The following MRNIP variants were observed in gnomAD, a reference collection of about 807,000 sequenced individuals.
MRNIP encodes the protein MRN complex interacting protein, also known as MRN complex-interacting protein.
In MRNIP, 30 loss-of-function variants were observed where a neutral mutation model predicts 29.8. The ratio of observed to expected loss-of-function variants is 1.01; its 90% CI spans 0.75 to 1.36. The LOEUF (loss-of-function observed/expected upper bound fraction) is 1.36. Among genes scored for constraint, MRNIP ranks in the 40% most tolerant of loss-of-function variants. MRNIP has a pLI of 0.00. For missense variants in MRNIP, 459 were observed against 423.5 expected, an observed-to-expected ratio of 1.08 and a Z score of -0.74; for synonymous variants, 201 against 164.1, an observed-to-expected ratio of 1.23 and a Z score of -1.72.
intron 2 of MRNIP, among the ~76,000 whole-genome samples, chr5:179,851,749 T>G (rs988126535): frequency 1.3e-5 from 2 of 152,034 alleles, no homozygotes; most frequent in Middle Eastern, 3.4e-3. Context: ...GAGGCCAAGG[T>G]GGGCAGATCA....
At position 179,837,703 on chromosome 5, in the gene MRNIP, T is replaced by G; in HGVS notation, c.720A>C (p.Ser240=). 6.2e-7 allele frequency: 1 copy of G among 1,614,264 alleles called. No homozygotes were observed. The highest frequency in any genetic ancestry group is 8.5e-7 in the Non-Finnish European group (1 of 1,180,046). Residue 240 remains serine, a synonymous_variant, in exon 7 of 7, where the codon TCA becomes TCC. Transcript: ENST00000292586. ...ACCTTGGCTGCTCACTGTCCACATG[T>G]GAACTTTTTCTAGGTGGCAGGACAA... ...AQFVLPPRKS[S]HVDSEQPRSL... is the part of the protein sequence containing the mutation.
chr5:179,843,063 G>GGA (rs1554093130), intron 4 of MRNIP, among the ~76,000 whole-genome samples: 260 of 103,430 alleles, frequency 2.5e-3, no homozygotes, highest in African/African-American at 4.8e-3. Flanking sequence ...GGAAGGAAGG[G>GGA]AGGGAGGGAG....
chr5:179,837,692 C>G lies in MRNIP; in HGVS notation c.731G>C (p.Ser244Thr). 3 of 1,614,270 alleles carry G rather than the reference C, an allele frequency of 1.9e-6. No individual in the cohort carries two copies. Among genetic ancestry groups the G allele is most frequent in the Non-Finnish European group, 2.5e-6 (3 of 1,180,052 alleles). The change falls in exon 7 of 7, where the codon AGT becomes ACT. Residue 244 changes from serine to threonine, a missense_variant. Ser to Thr is a moderately conservative substitution (Grantham distance 58, BLOSUM62 1). Coordinates refer to ENST00000292586, the MANE Select transcript of MRNIP (RefSeq NM_016175.4). Reference sequence around the variant, plus strand: ...CCTCTGAAGAGACCTTGGCTGCTCACTGTCCACATGTGAACTTTTTCTAGG... The same window carrying G: ...CCTCTGAAGAGACCTTGGCTGCTCAGTGTCCACATGTGAACTTTTTCTAGG... ...LPPRKSSHVD[S>T]EQPRSLQRDP...
intron 2 of MRNIP, chr5:179,851,228 G>T (rs1341988620): frequency 2.2e-6 from 1 of 455,662 alleles, no homozygotes; most frequent in Non-Finnish European, 4.4e-6. Flanking sequence ...CTCACCATGT[G>T]GGGTGTCTGC....
intron 2 of MRNIP, chr5:179,851,473 T>C (rs1014191952): frequency 4.4e-6 from 2 of 451,106 alleles, no homozygotes; most frequent in Non-Finnish European, 9.0e-6. Context: ...AGTAAAGATA[T>C]AGGGAGAAGC....
At chr5:179,851,693 T>A (rs1321674871) in intron 2 of MRNIP, among the ~76,000 whole-genome samples, 1 of 152,036 alleles carries the variant, frequency 6.6e-6, no homozygotes, top group African/African-American at 2.4e-5. Flanking sequence ...TTAAAAAAAA[T>A]ATCAGCCAGG....
intron 1 of MRNIP, among the ~76,000 whole-genome samples, chr5:179,854,456 G>T (rs1350836764): frequency 9.2e-5 from 14 of 152,192 alleles, no homozygotes; most frequent in African/African-American, 3.4e-4. Flanking sequence ...ACAAGTCCGG[G>T]TTGGTGCTGG....
rs753168832 is a variant in MRNIP at position 179,844,149 on chromosome 5, T to G, written c.291+3A>C. ...GCCTGGGGCAGGTGGGCCTGAGGCT[T>G]ACCTGCTGCTTCACATTCCCAGCCT... On this transcript the variant is annotated splice_donor_region_variant and intron_variant, in intron 4 of 6. Transcript: ENST00000292586. 4.3e-6 allele frequency: 7 copies of G among 1,613,702 alleles called. No individual in the cohort carries two copies. Among genetic ancestry groups the G allele is most frequent in the Non-Finnish European group, 5.9e-6 (7 of 1,179,734 alleles).
rs777264079 is a variant in MRNIP, at chr5:179,848,050, G to C, written c.143C>G (p.Ser48Cys). ...QSFLQAYGEG[S>C]GADCRRHVQK... The stretch of plus-strand genomic sequence containing the variant: ...GACATGGCGTCTACAATCAGCACCA[G>C]AGCCTTCACCATAAGCCTGAGAAAC... Residue 48 changes from serine to cysteine, a missense_variant, in exon 3 of 7, where the codon TCT (serine) becomes TGT (cysteine). Coordinates refer to ENST00000292586, the MANE Select transcript of MRNIP (RefSeq NM_016175.4). 2.5e-6 allele frequency: 4 copies of C among 1,613,990 alleles called. No individual in the cohort carries two copies.
chr5:179,858,629 C>T (rs757447643), intron 1 of MRNIP, 102 bp downstream of exon 1: 1 of 732,030 alleles, frequency 1.4e-6, no homozygotes, highest in Non-Finnish European at 2.2e-6. Flanking sequence ...CCTTCGGGCC[C>T]GGTGCATCCC....
Position 179,858,756 on chromosome 5 carries a change from C to A in MRNIP, c.41G>T (p.Ser14Ile), listed in dbSNP as rs773077321. ...LQRSRVLRCC[S>I]CRLFQAHQVK... ...CTGGTGCGCCTGGAAGAGGCGGCAG[C>A]TGCAGCAGCGTAGCACCCGAGAACG... Residue 14 changes from serine (S) to isoleucine (I), a missense_variant, in exon 1 of 7, where the codon AGC (serine) becomes ATC (isoleucine). By Grantham distance (142) the Ser-to-Ile change is moderately radical. Transcript: ENST00000292586. 7.8e-6 allele frequency: 12 copies of A among 1,535,598 alleles called. No homozygotes were observed. In the South Asian group the frequency reaches 1.5e-4, roughly 19 times the overall value.
At chr5:179,845,207 C>CTT (rs575096592) in intron 3 of MRNIP, among the ~76,000 whole-genome samples, 1 of 136,496 alleles carries the variant, frequency 7.3e-6, no homozygotes, top group Admixed American at 7.0e-5. Flanking sequence ...TTAATTTCTT[C>CTT]TTTTTTTTTT....
intron 2 of MRNIP, among the ~76,000 whole-genome samples, chr5:179,849,547 A>C (rs928775501): frequency 1.4e-5 from 2 of 141,664 alleles, no homozygotes; most frequent in South Asian, 2.3e-4. Context: ...GCAGATGGTA[A>C]GAGATGGAAT....
chr5:179,857,837 A>T (rs925294638), intron 1 of MRNIP, among the ~76,000 whole-genome samples: 8 of 151,974 alleles, frequency 5.3e-5, no homozygotes, highest in African/African-American at 1.9e-4. Context: ...ACATGGAGAA[A>T]CCCTGTCTCT....
intron 5 of MRNIP, 198 bp downstream of exon 5, chr5:179,841,709 G>A (rs1758885687): frequency 8.1e-6 from 5 of 620,960 alleles, no homozygotes; most frequent in South Asian, 5.7e-5. Flanking sequence ...CCCAGCCTTC[G>A]CCTCTGCACC....
chr5:179,837,860 A>G lies in MRNIP; in HGVS notation c.563T>C (p.Val188Ala), dbSNP rs752475897. 1.2e-6 allele frequency: 2 copies of G among 1,606,918 alleles called. No individual in the cohort carries two copies. Among genetic ancestry groups the G allele is most frequent in the Admixed American group, 1.7e-5 (1 of 59,962 alleles). The stretch of plus-strand genomic sequence containing the variant: ...GAGGCAGGGGCTGCTGCCTTGTTTC[A>G]CCTTCCATGTCAGGCCAGCCTGTCC... ...QKGQAGLTWK[V>A]KQGSSPCLQE... is the part of the protein sequence containing the mutation. Residue 188 changes from valine to alanine, a missense_variant, in exon 7 of 7, where the codon GTG (valine) becomes GCG (alanine). Transcript: ENST00000292586.
In MRNIP at chr5:179,844,207, C is replaced by T. The variant is rs747765828; in HGVS notation, c.236G>A (p.Ser79Asn). ...TCCCACGTTTTCTTCTTCACTGGCACTGACAGTTTCTTCTAGAGACCTTCA... is the reference window on the plus strand; with the variant it reads ...TCCCACGTTTTCTTCTTCACTGGCATTGACAGTTTCTTCTAGAGACCTTCA... ...LPLRSLEETV[S>N]ASEEENVGHQ... is the part of the protein sequence containing the mutation. Residue 79 changes from serine to asparagine, a missense_variant, in exon 4 of 7, where the codon AGT becomes AAT. By Grantham distance (46) the Ser-to-Asn change is conservative. Transcript: ENST00000292586. 1 of 1,614,142 alleles carries T rather than the reference C, an allele frequency of 6.2e-7. No individual in the cohort carries two copies. Among genetic ancestry groups the T allele is most frequent in the Admixed American group, 1.7e-5 (1 of 60,026 alleles).
chr5:179,854,811 A>G (rs1179414716), intron 1 of MRNIP, among the ~76,000 whole-genome samples: 1 of 152,230 alleles, frequency 6.6e-6, no homozygotes, highest in East Asian at 1.9e-4. Context: ...AAATTCCGTA[A>G]CATTTATTTT....
intron 2 of MRNIP, among the ~76,000 whole-genome samples, chr5:179,849,650 G>A (rs1173519996): frequency 2.7e-5 from 4 of 150,148 alleles, no homozygotes; most frequent in African/African-American, 7.4e-5. Context: ...GATGGTAAGA[G>A]ATGGAATTTG....
Sources: gnomAD v4.1 joint callset for allele counts (sites outside exome capture counted in the v4.1 genomes callset) on GRCh38, gnomAD v4.1.1 for gene constraint, MANE v1.5 for transcripts, NCBI Gene and HGNC (gene_info 2026-07-23, HGNC 2026-07-21) for gene names.